Variants in OSBP2 observed in about 807,000 individuals in gnomAD.
The protein encoded by OSBP2 is oxysterol-binding protein 2.
OSBP2 carries 66 observed loss-of-function variants against 96.0 expected under a neutral mutation model. The ratio of observed to expected loss-of-function variants is 0.69; its 90% confidence interval spans 0.56 to 0.84. The LOEUF is 0.84. OSBP2 is among the 40% of genes least tolerant of loss of function. The pLI is 0.00. For synonymous variants in OSBP2, 525 were observed against 520.9 expected, an observed-to-expected ratio of 1.01 and a Z score of -0.11; for missense variants, 1,038 against 1,222.7, an observed-to-expected ratio of 0.85 and a Z score of 2.25.
chr22:30,889,059 G>A (rs975369425), intron 5 of OSBP2, 118 bp from the exon 6 acceptor site: 7 of 817,900 alleles, frequency 8.6e-6, no homozygotes, highest in Non-Finnish European at 1.4e-5. Context: ...CAGAACACAC[G>A]GCAGTGACCA....
At chr22:30,826,644 G>A (rs2038411507) in intron 2 of OSBP2, among the ~76,000 whole-genome samples, 1 of 152,172 alleles carries the variant, frequency 6.6e-6, no homozygotes, top group Admixed American at 6.5e-5. Context: ...GGTTTTACCT[G>A]TGTCTTAATG....
intron 3 of OSBP2, among the ~76,000 whole-genome samples, chr22:30,882,578 G>A (rs540662317): frequency 1.5e-4 from 23 of 152,210 alleles, no homozygotes; most frequent in Admixed American, 2.6e-4. Context: ...GTGGGCCCGC[G>A]GTGTGAGGGA....
At chr22:30,743,941 T>G (rs1278779953) in intron 2 of OSBP2, among the ~76,000 whole-genome samples, 1 of 152,150 alleles carries the variant, frequency 6.6e-6, no homozygotes, top group African/African-American at 2.4e-5. Flanking sequence ...GGGAGTAACC[T>G]TAGGCTCAGC....
rs998425999 is a variant in OSBP2 at position 30,870,079 on chromosome 22, G to A, written c.854-350G>A. Among the ~76,000 whole-genome samples the A allele has an allele frequency of 7.2e-5, 11 of 152,232 alleles. No individual in the cohort carries two copies. The highest frequency in any genetic ancestry group is 9.6e-5 in the African/African-American group (4 of 41,468). On this transcript the variant is annotated intron_variant, in intron 2 of 13. Transcript: ENST00000332585. The surrounding 1 kb of genome is among the most constrained non-coding windows in gnomAD (Gnocchi z 4.1). ...AGTCTCCACCTCTCCACCCAGCAGAGCCCATCCTTCCCTGCACACCACAAT... is the reference window on the plus strand; with the variant it reads ...AGTCTCCACCTCTCCACCCAGCAGAACCCATCCTTCCCTGCACACCACAAT...
intron 2 of OSBP2, among the ~76,000 whole-genome samples, chr22:30,783,931 T>C (rs1172851533): frequency 6.6e-6 from 1 of 152,174 alleles, no homozygotes; most frequent in East Asian, 1.9e-4. Context: ...TTGTAATCAC[T>C]TGGGACCGTG....
intron 2 of OSBP2, among the ~76,000 whole-genome samples, chr22:30,852,824 T>C (rs2039001190): frequency 6.6e-6 from 1 of 152,196 alleles, no homozygotes; most frequent in African/African-American, 2.4e-5. Context: ...TTTCGATATG[T>C]TGTATTTTTT....
intron 2 of OSBP2, among the ~76,000 whole-genome samples, chr22:30,838,031 T>C (rs1019952823): frequency 3.3e-5 from 5 of 152,248 alleles, no homozygotes; most frequent in African/African-American, 1.2e-4. Context: ...CCGAGGTACA[T>C]ATTTTTTCTA....
intron 2 of OSBP2, among the ~76,000 whole-genome samples, chr22:30,843,449 C>CCA (rs960611261): frequency 1.0e-4 from 13 of 127,066 alleles, no homozygotes; most frequent in African/African-American, 7.5e-5. Flanking sequence ...ATCTTTCCCC[C>CCA]CTCCCCCTTG....
At chr22:30,805,115 G>C (rs1243509431) in intron 2 of OSBP2, among the ~76,000 whole-genome samples, 1 of 152,198 alleles carries the variant, frequency 6.6e-6, no homozygotes, top group East Asian at 1.9e-4. Context: ...TACTATCTGA[G>C]GGTTGACCCT....
rs1477922029 is a variant in OSBP2 at position 30,881,830 on chromosome 22, G to A, written c.1108-5596G>A. The A allele has an allele frequency of 7.7e-7, 1 of 1,303,616 alleles. No individual in the cohort carries two copies. Among genetic ancestry groups the A allele is most frequent in the Admixed American group, 2.3e-5 (1 of 43,570 alleles). 80.8% of individuals were successfully genotyped at this position (1,303,616 alleles called of 1,614,324 possible). On this transcript the variant is annotated intron_variant, in intron 3 of 13. Coordinates refer to ENST00000332585, the MANE Select transcript of OSBP2 (RefSeq NM_030758.4). This position sits in a 1 kb window ranked among gnomAD's most constrained non-coding sequence, Gnocchi z 4.5. ...GGGTGCATCCGGGCTGGGGGAGGTG[G>A]ACGGGCTCTCTGCATCCATGGGGTG...
At chr22:30,746,249 T>C (rs1348832110) in intron 2 of OSBP2, among the ~76,000 whole-genome samples, 4 of 152,016 alleles carry the variant, frequency 2.6e-5, no homozygotes, top group Non-Finnish European at 5.9e-5. Context: ...TGAGACCCTT[T>C]CTTTACAAAA....
chr22:30,714,994 G>T (rs2089423789), intron 1 of OSBP2, among the ~76,000 whole-genome samples: 1 of 152,000 alleles, frequency 6.6e-6, no homozygotes, highest in African/African-American at 2.4e-5. Flanking sequence ...ATTTTTTTAG[G>T]AATCTCCATA....
At chr22:30,879,160 A>T (rs2039647430) in intron 3 of OSBP2, among the ~76,000 whole-genome samples, 1 of 152,170 alleles carries the variant, frequency 6.6e-6, no homozygotes, top group South Asian at 2.1e-4. Context: ...CCTTAGGCCA[A>T]CCCAGGCAGG....
chr22:30,837,420 G>A (rs747608588), intron 2 of OSBP2, among the ~76,000 whole-genome samples: 3 of 152,160 alleles, frequency 2.0e-5, no homozygotes, highest in African/African-American at 4.8e-5. Flanking sequence ...GGTCCCGCTC[G>A]TCCCCATGAG....
At chr22:30,903,473 G>A (rs191312786) in intron 12 of OSBP2, among the ~76,000 whole-genome samples, 6 of 152,362 alleles carry the variant, frequency 3.9e-5, no homozygotes, top group East Asian at 3.9e-4. Flanking sequence ...GAGAAACAGC[G>A]AGAGCTGAAA....
intron 1 of OSBP2, among the ~76,000 whole-genome samples, chr22:30,732,720 G>A (rs1339801156): frequency 6.6e-6 from 1 of 152,232 alleles, no homozygotes; most frequent in East Asian, 1.9e-4. Flanking sequence ...AGCTGTGGGG[G>A]ACATGGCACC....
At chr22:30,788,772 G>A (rs2090632222) in intron 2 of OSBP2, among the ~76,000 whole-genome samples, 2 of 152,090 alleles carry the variant, frequency 1.3e-5, no homozygotes, top group Admixed American at 1.3e-4. Flanking sequence ...GAGTGCAGTG[G>A]CACCATCTCA....
At chr22:30,895,988 C>T (rs991257173) in intron 12 of OSBP2, among the ~76,000 whole-genome samples, 7 of 151,092 alleles carry the variant, frequency 4.6e-5, no homozygotes, top group Non-Finnish European at 2.9e-5. Context: ...AAGGATGTCA[C>T]AATAGATGAA....
At chr22:30,715,620 C>A (rs1301414004) in intron 1 of OSBP2, among the ~76,000 whole-genome samples, 1 of 150,920 alleles carries the variant, frequency 6.6e-6, no homozygotes, top group African/African-American at 2.4e-5. Flanking sequence ...GGCGCCATCT[C>A]GGCTCACTGC....
Sources: gnomAD v4.1 joint callset for allele counts (sites outside exome capture counted in the v4.1 genomes callset) on GRCh38, gnomAD v4.1.1 for gene constraint, Gnocchi (gnomAD v3.1) non-coding constraint, MANE v1.5 for transcripts, NCBI Gene and HGNC (gene_info 2026-07-23, HGNC 2026-07-21) for gene names.